SORCS2: variants seen among roughly 807,000 people sequenced by gnomAD.
The protein encoded by SORCS2 is VPS10 domain-containing receptor SorCS2.
SORCS2 carries 100 observed loss-of-function variants against 141.6 expected under a neutral mutation model. The observed-to-expected ratio is 0.71, with a 90% CI of 0.60 to 0.83. SORCS2 has a LOEUF of 0.83. Among genes scored for constraint, SORCS2 ranks in the 40% least tolerant of loss-of-function variants. The probability of loss-of-function intolerance (pLI) is 0.00; values close to 1 mark genes in which losing one functional copy is unlikely to be tolerated. For missense variants in SORCS2, 1,646 were observed against 1,560.2 expected (o/e 1.05, Z -0.93); for synonymous variants, 789 against 676.9 (o/e 1.17, Z -2.57).
chr4:7,476,149 T>C (rs35085269), intron 2 of SORCS2, among the ~76,000 whole-genome samples: 19,225 of 152,108 alleles, frequency 0.13, 1,595 homozygotes, highest in South Asian at 0.25. Flanking sequence ...AACAGAATCA[T>C]AGGACATGGA....
At position 7,638,375 on chromosome 4, in the gene SORCS2, C is replaced by T; in HGVS notation, c.696C>T (p.Phe232=). ...TCAGTGACCGGGACCAGAGCCTATT[C>T]CTCAGCGCAGACGAAGGCGCCACCT... ...SSLSDRDQSL[F]LSADEGATFQ... is the part of the protein sequence containing the mutation. Residue 232 remains phenylalanine, a synonymous_variant, in exon 4 of 27, where the codon TTC becomes TTT. Coordinates refer to ENST00000507866, the MANE Select transcript of SORCS2 (RefSeq NM_020777.3). 1.3e-6 allele frequency: 2 copies of T among 1,560,242 alleles called. No individual in the cohort carries two copies. The highest frequency in any genetic ancestry group is 1.7e-6 in the Non-Finnish European group (2 of 1,158,554).
intron 2 of SORCS2, among the ~76,000 whole-genome samples, chr4:7,467,390 C>T (rs776945006): frequency 4.6e-5 from 7 of 152,158 alleles, no homozygotes; most frequent in South Asian, 2.1e-4. Flanking sequence ...CTGGGGCCTT[C>T]GGTTGGCCTC....
intron 2 of SORCS2, among the ~76,000 whole-genome samples, chr4:7,439,589 CTT>C (rs1191171396): frequency 2.0e-5 from 3 of 152,222 alleles, no homozygotes; most frequent in Non-Finnish European, 4.4e-5. Flanking sequence ...AGAGCAAACA[CTT>C]TTCTCCCACA....
intron 3 of SORCS2, among the ~76,000 whole-genome samples, chr4:7,564,282 C>T (rs558511623): frequency 1.3e-5 from 2 of 152,308 alleles, no homozygotes; most frequent in East Asian, 1.9e-4. Flanking sequence ...CCTGTGGCCC[C>T]CTCTAGGACA....
In SORCS2 at chr4:7,703,235, G is replaced by T. The variant is rs185051851; in HGVS notation, c.1669-45G>T. ...AGCCGCTCAGCCTGGAACAACCTCCGACCTTCTCAGGCCCTGCCCTCAGCC... is the reference window on the plus strand; with the variant it reads ...AGCCGCTCAGCCTGGAACAACCTCCTACCTTCTCAGGCCCTGCCCTCAGCC... On this transcript the variant is annotated intron_variant, in intron 12 of 26. Transcript: ENST00000507866. The T allele has an allele frequency of 2.6e-6, 4 of 1,521,086 alleles. No individual in the cohort carries two copies. The East Asian group carries it at 9.6e-5, about 36-fold the overall frequency. 94.2% of individuals were successfully genotyped at this position (1,521,086 alleles called of 1,614,324 possible). A position where few individuals can be genotyped will look rare whatever the true frequency, so the allele number is the denominator to read the frequency against.
In SORCS2 at chr4:7,293,712, C is replaced by A. The variant is rs115545491; in HGVS notation, c.480+100586C>A. ...GTCAATGCCTTGGATTCTCTACTGG[C>A]GATCCCTATGCAGAAGGTGTCTCAG... On this transcript the variant is annotated intron_variant, in intron 1 of 26. Coordinates refer to ENST00000507866, the MANE Select transcript of SORCS2 (RefSeq NM_020777.3). Among the ~76,000 whole-genome samples the A allele has an allele frequency of 3.3e-5, 5 of 152,302 alleles. No individual in the cohort carries two copies. In the East Asian group the frequency reaches 9.7e-4, roughly 29 times the overall value.
At chr4:7,515,589 T>C (rs1732923717) in intron 2 of SORCS2, among the ~76,000 whole-genome samples, 1 of 152,188 alleles carries the variant, frequency 6.6e-6, no homozygotes, top group Non-Finnish European at 1.5e-5. Context: ...CCTGCTGACT[T>C]CCCAGGCTGT....
At chr4:7,310,931 G>A (rs1398668922) in intron 1 of SORCS2, among the ~76,000 whole-genome samples, 1 of 152,144 alleles carries the variant, frequency 6.6e-6, no homozygotes, top group Non-Finnish European at 1.5e-5. Context: ...GTTTTATTGA[G>A]GTATAATAGA....
chr4:7,695,523 AG>A (rs1560489900), intron 11 of SORCS2, among the ~76,000 whole-genome samples: 1 of 3,168 alleles, frequency 3.2e-4, no homozygotes, highest in Non-Finnish European at 5.4e-4. Context: ...TGGGTGGGTG[AG>A]TGGATGGGTG....
At chr4:7,584,669 C>A (rs553032981) in intron 3 of SORCS2, among the ~76,000 whole-genome samples, 50 of 152,202 alleles carry the variant, frequency 3.3e-4, no homozygotes, top group Non-Finnish European at 6.0e-4. Context: ...TCCTGCATCC[C>A]TTCCTAACGC....
At chr4:7,541,018 C>T (rs752317876) in intron 3 of SORCS2, among the ~76,000 whole-genome samples, 1 of 152,202 alleles carries the variant, frequency 6.6e-6, no homozygotes, top group Non-Finnish European at 1.5e-5. Context: ...TCAGACAGGA[C>T]CAAACTATCC....
chr4:7,511,401 G>C (rs1577678043), intron 2 of SORCS2, among the ~76,000 whole-genome samples: 1 of 144,036 alleles, frequency 6.9e-6, no homozygotes, highest in South Asian at 2.4e-4. Flanking sequence ...GATCCCTGCA[G>C]AGAGAGAGGG....
intron 3 of SORCS2, among the ~76,000 whole-genome samples, chr4:7,614,866 C>T (rs1011964103): frequency 6.6e-6 from 1 of 151,228 alleles, no homozygotes; most frequent in Non-Finnish European, 1.5e-5. Flanking sequence ...CCATCCATCC[C>T]TCTACTCATC....
Position 7,504,181 on chromosome 4 carries a change from C to T in SORCS2, c.549-27349C>T, listed in dbSNP as rs559095112. ...CTTGCTCAGGGACCCTTGGGAATCA[C>T]ACACCGGGATCCTCACTCCCAGCTC... On this transcript the variant is annotated intron_variant, in intron 2 of 26. Coordinates refer to ENST00000507866, the MANE Select transcript of SORCS2 (RefSeq NM_020777.3). 2.8e-4 allele frequency among the ~76,000 whole-genome samples: 43 copies of T among 152,358 alleles called. No individual in the cohort carries two copies. In the South Asian group the frequency reaches 8.5e-3, roughly 30 times the overall value.
chr4:7,592,654 T>A (rs1716996614), intron 3 of SORCS2, among the ~76,000 whole-genome samples: 1 of 152,234 alleles, frequency 6.6e-6, no homozygotes, highest in South Asian at 2.1e-4. Flanking sequence ...GGTCCCCGAA[T>A]GACTGTGTGG....
At position 7,340,182 on chromosome 4, in the gene SORCS2, C is replaced by T. The variant is rs76376527; in HGVS notation, c.481-56106C>T. Reference sequence around the variant, plus strand: ...CTGGGAGAAGTGGATTTGAAAGGCCCGAGGCCCCACAGTTAGTAAGAGGCT... The same window carrying T: ...CTGGGAGAAGTGGATTTGAAAGGCCTGAGGCCCCACAGTTAGTAAGAGGCT... On this transcript the variant is annotated intron_variant, in intron 1 of 26. Coordinates refer to ENST00000507866, the MANE Select transcript of SORCS2 (RefSeq NM_020777.3). Among the ~76,000 whole-genome samples, 474 of 152,298 alleles carry T rather than the reference C, an allele frequency of 3.1e-3. 5 individuals are homozygous for T. Among genetic ancestry groups the T allele is most frequent in the African/African-American group, 0.011 (437 of 41,556 alleles).
intron 3 of SORCS2, among the ~76,000 whole-genome samples, chr4:7,574,242 G>A (rs1715597231): frequency 6.6e-6 from 1 of 152,252 alleles, no homozygotes; most frequent in African/African-American, 2.4e-5. Flanking sequence ...TCGGAGGTGA[G>A]GTGCAGCGAG....
intron 1 of SORCS2, among the ~76,000 whole-genome samples, chr4:7,378,744 C>G (rs570950113): frequency 6.6e-6 from 1 of 152,202 alleles, no homozygotes; most frequent in African/African-American, 2.4e-5. Context: ...TGTGTCATCC[C>G]TGAGGCATTG....
At chr4:7,377,934 T>G (rs796126219) in intron 1 of SORCS2, among the ~76,000 whole-genome samples, 2 of 152,376 alleles carry the variant, frequency 1.3e-5, no homozygotes, top group African/African-American at 4.8e-5. Flanking sequence ...ATTTCAGAAA[T>G]GAAGATCTTG....
Sources: gnomAD v4.1 joint callset for allele counts (sites outside exome capture counted in the v4.1 genomes callset) on GRCh38, gnomAD v4.1.1 for gene constraint, MANE v1.5 for transcripts, NCBI Gene and HGNC (gene_info 2026-07-23, HGNC 2026-07-21) for gene names.